PAMR1: variants seen among roughly 807,000 people sequenced by gnomAD.
PAMR1 encodes the protein inactive serine protease PAMR1.
PAMR1 carries 88 observed loss-of-function variants against 81.8 expected under a neutral mutation model. The ratio of observed to expected loss-of-function variants is 1.08; its 90% CI spans 0.91 to 1.28. The LOEUF (loss-of-function observed/expected upper bound fraction) is 1.28. PAMR1 is among the 50% of genes most tolerant of loss of function. PAMR1 has a pLI of 0.00. For synonymous variants in PAMR1, 336 were observed against 345.3 expected, an observed-to-expected ratio of 0.97 and a Z score of 0.30; for missense variants, 935 against 919.7, an observed-to-expected ratio of 1.02 and a Z score of -0.21.
intron 1 of PAMR1, among the ~76,000 whole-genome samples, chr11:35,498,587 T>C (rs1448652234): frequency 4.6e-5 from 7 of 152,228 alleles, no homozygotes; most frequent in Admixed American, 1.3e-4. Flanking sequence ...CAGATCAATT[T>C]CTTGCTTAAA....
chr11:35,489,073 C>T (rs141711392), intron 3 of PAMR1, among the ~76,000 whole-genome samples: 1 of 152,134 alleles, frequency 6.6e-6, no homozygotes, highest in African/African-American at 2.4e-5. Context: ...TCTTCCTTTC[C>T]TTTTACATCT....
chr11:35,438,789 C>T (rs1448913636), intron 8 of PAMR1, among the ~76,000 whole-genome samples: 1 of 152,118 alleles, frequency 6.6e-6, no homozygotes, highest in East Asian at 1.9e-4. Flanking sequence ...AGACTACAGG[C>T]TAGAGAATTC....
At position 35,494,308 on chromosome 11, in the gene PAMR1, G is replaced by C. The variant is rs1012294754; in HGVS notation, c.74-36C>G. 4 of 1,540,182 alleles carry C rather than the reference G, an allele frequency of 2.6e-6. No homozygotes were observed. The African/African-American group carries it at 5.4e-5, about 21-fold the overall frequency. ...AAACCAGCAGGTGAGGCTAGGTCCT[G>C]GCAGGGAGTGGTAAGACTCTTTGTT... On this transcript the variant is annotated intron_variant, in intron 1 of 10. Coordinates refer to ENST00000619888, the MANE Select transcript of PAMR1 (RefSeq NM_001001991.3).
chr11:35,507,386 G>A (rs935092503), intron 1 of PAMR1, among the ~76,000 whole-genome samples: 3 of 149,400 alleles, frequency 2.0e-5, no homozygotes, highest in Non-Finnish European at 4.4e-5. Context: ...TCTTTCCTCT[G>A]TGTGATCCAT....
chr11:35,502,256 A>G (rs1850861833), intron 1 of PAMR1, among the ~76,000 whole-genome samples: 1 of 151,950 alleles, frequency 6.6e-6, no homozygotes, highest in Non-Finnish European at 1.5e-5. Context: ...TAATTAATTA[A>G]TTAATTAATT....
In PAMR1 at chr11:35,467,996, C is replaced by A. The variant is rs1371586546; in HGVS notation, c.820+5G>T. 2 of 1,538,300 alleles carry A rather than the reference C, an allele frequency of 1.3e-6. No individual in the cohort carries two copies. Among genetic ancestry groups the A allele is most frequent in the Admixed American group, 3.9e-5 (2 of 51,358 alleles). ...CCTTAACTCCCACTTAGGAAGCATA[C>A]TCACGATTTTCACAGCGCTGCCCAG... On this transcript the variant is annotated splice_donor_5th_base_variant and intron_variant, in intron 6 of 10. Coordinates refer to ENST00000619888, the MANE Select transcript of PAMR1 (RefSeq NM_001001991.3).
rs1030499294 is a variant in PAMR1 at position 35,524,646 on chromosome 11, C to T, written c.73+867G>A. Among the ~76,000 whole-genome samples, 5 of 152,242 alleles carry T rather than the reference C, an allele frequency of 3.3e-5. No individual in the cohort carries two copies. The South Asian group carries it at 1.0e-3, about 32-fold the overall frequency. On this transcript the variant is annotated intron_variant, in intron 1 of 10. Transcript: ENST00000619888. ...GTCATTTCTGTACATCTCGGCCTGC[C>T]CTCATCTCATGAGGTCTCACTTTAC...
At chr11:35,442,305 A>G (rs148146956) in intron 6 of PAMR1, among the ~76,000 whole-genome samples, 1 of 152,354 alleles carries the variant, frequency 6.6e-6, no homozygotes, top group African/African-American at 2.4e-5. Context: ...TTTCCATCTA[A>G]GTATTTGATA....
Position 35,432,629 on chromosome 11 carries a change from A to G in PAMR1, c.1890T>C (p.Cys630=). The change falls in exon 11 of 11, where the codon TGT becomes TGC. Residue 630 remains cysteine, a synonymous_variant. Coordinates refer to ENST00000619888, the MANE Select transcript of PAMR1 (RefSeq NM_001001991.3). ...GVVSVVDSLL[C]EEQHEDHGIP... ...TGCCATGGTCCTCATGCTGCTCCTC[A>G]CACAGCAGCGAGTCCACCACACTGA... 5 of 1,614,066 alleles carry G rather than the reference A, an allele frequency of 3.1e-6. No homozygotes were observed. The highest frequency in any genetic ancestry group is 3.4e-6 in the Non-Finnish European group (4 of 1,179,950).
chr11:35,522,191 G>A (rs887217382), intron 1 of PAMR1, among the ~76,000 whole-genome samples: 1 of 152,114 alleles, frequency 6.6e-6, no homozygotes, highest in Non-Finnish European at 1.5e-5. Flanking sequence ...CAAAGTGCTG[G>A]GATTATAGGC....
At chr11:35,501,375 C>T (rs1850837961) in intron 1 of PAMR1, among the ~76,000 whole-genome samples, 1 of 152,028 alleles carries the variant, frequency 6.6e-6, no homozygotes, top group African/African-American at 2.4e-5. Context: ...TCAAGTAATT[C>T]ACCTGCTTTG....
chr11:35,500,639 T>C (rs1850816545), intron 1 of PAMR1, among the ~76,000 whole-genome samples: 1 of 152,160 alleles, frequency 6.6e-6, no homozygotes, highest in Non-Finnish European at 1.5e-5. Flanking sequence ...CAGAAAGAAA[T>C]CCATCTACAG....
intron 1 of PAMR1, among the ~76,000 whole-genome samples, 196 bp downstream of exon 1, chr11:35,525,317 C>A (rs1043156410): frequency 2.0e-5 from 3 of 152,020 alleles, no homozygotes; most frequent in Non-Finnish European, 4.4e-5. Context: ...TCAGGGAGGG[C>A]CACAGGAGCT....
chr11:35,435,941 GTCC>G lies in PAMR1; in HGVS notation c.1292_1294del (p.Arg431del), dbSNP rs773896155. 3 of 1,614,190 alleles carry G rather than the reference GTCC, an allele frequency of 1.9e-6. No individual in the cohort carries two copies. The highest frequency in any genetic ancestry group is 2.5e-6 in the Non-Finnish European group (3 of 1,180,018). ...TGGTGCCCGCCCACTCCACTTCCCA[GTCC>G]TCAGACATGTCCTCCTGCTGCTGCC... On this transcript the variant is annotated inframe_deletion, in exon 9 of 11. Coordinates refer to ENST00000619888, the MANE Select transcript of PAMR1 (RefSeq NM_001001991.3).
At position 35,492,045 on chromosome 11, in the gene PAMR1, G is replaced by C; in HGVS notation, c.379C>G (p.Arg127Gly). ...TGGAGCTAGGTCAAGGTCTACTTAC[G>C]CATGCAGTCTCCTCCGTACCAGCCT... ...RAGWYGGDCMRCGQVLRAPKG... is the reference protein window; with the variant it reads ...RAGWYGGDCMGCGQVLRAPKG... Residue 127 changes from arginine (R) to glycine (G), a missense_variant and splice_region_variant, in exon 3 of 11, where the codon CGA (arginine) becomes GGA (glycine). Coordinates refer to ENST00000619888, the MANE Select transcript of PAMR1 (RefSeq NM_001001991.3). 6.2e-7 allele frequency: 1 copy of C among 1,610,946 alleles called. No individual in the cohort carries two copies.
chr11:35,442,528 T>C (rs1051026213), intron 6 of PAMR1, among the ~76,000 whole-genome samples: 10 of 152,196 alleles, frequency 6.6e-5, no homozygotes, highest in African/African-American at 2.2e-4. Flanking sequence ...TTCAAACTTC[T>C]ACTACTTGAT....
chr11:35,506,235 C>T (rs1041086762), intron 1 of PAMR1, among the ~76,000 whole-genome samples: 6 of 151,684 alleles, frequency 4.0e-5, no homozygotes, highest in Non-Finnish European at 7.4e-5. Context: ...CTGCCTATTT[C>T]TTAACAAATG....
upstream of PAMR1, among the ~76,000 whole-genome samples, chr11:35,529,356 G>A (rs1210584079): frequency 6.6e-6 from 1 of 152,194 alleles, no homozygotes; most frequent in Non-Finnish European, 1.5e-5. Flanking sequence ...TCAGATTTGG[G>A]GAAAGTGATT....
At chr11:35,473,031 C>T (rs1389808302) in intron 4 of PAMR1, among the ~76,000 whole-genome samples, 1 of 152,106 alleles carries the variant, frequency 6.6e-6, no homozygotes, top group Admixed American at 6.5e-5. Context: ...ATGACAGAAT[C>T]TCAGTGGGAG....
Sources: allele counts gnomAD v4.1 joint callset (sites outside exome capture counted in the v4.1 genomes callset), GRCh38; gene constraint gnomAD v4.1.1; transcripts MANE v1.5; gene names NCBI Gene and HGNC (gene_info 2026-07-23, HGNC 2026-07-21).